CACNA2D1: variants seen among roughly 807,000 people sequenced by gnomAD.
CACNA2D1 encodes the protein calcium voltage-gated channel auxiliary subunit alpha2delta 1.
Under a neutral mutation model 171.5 loss-of-function variants are expected in CACNA2D1, and 53 were observed. That is an observed-to-expected ratio of 0.31 (90% CI 0.25 to 0.39). CACNA2D1 has a LOEUF of 0.39. Ranked by LOEUF, CACNA2D1 falls within the 10% of genes least tolerant of loss-of-function variation. The pLI is 1.00. For synonymous variants in CACNA2D1, 442 were observed against 443.1 expected (o/e 1.00, Z 0.03); for missense variants, 903 against 1,299.8 (o/e 0.69, Z 4.69).
At chr7:82,318,223 T>C (rs1301669161) in intron 3 of CACNA2D1, among the ~76,000 whole-genome samples, 4 of 152,258 alleles carry the variant, frequency 2.6e-5, no homozygotes, top group Admixed American at 2.0e-4. Context: ...GCTAGTCTCA[T>C]TGCTAATTAA....
intron 15 of CACNA2D1, among the ~76,000 whole-genome samples, chr7:82,008,180 C>T (rs1000240113): frequency 6.6e-6 from 1 of 151,918 alleles, no homozygotes. Context: ...TAGCCTTATT[C>T]TTTATTTTTT....
At chr7:82,385,667 T>TGTTTC (rs376274381) in intron 1 of CACNA2D1, among the ~76,000 whole-genome samples, 2 of 151,816 alleles carry the variant, frequency 1.3e-5, no homozygotes, top group African/African-American at 2.4e-5. Flanking sequence ...TTTGTTTTGT[T>TGTTTC]TTGTTTTGTT....
intron 3 of CACNA2D1, among the ~76,000 whole-genome samples, chr7:82,328,573 T>G (rs1298499150): frequency 6.6e-6 from 1 of 152,198 alleles, no homozygotes; most frequent in Non-Finnish European, 1.5e-5. Flanking sequence ...GAAAATTGCA[T>G]GACCTCGATC....
At chr7:81,957,029 G>T (rs1472728400) in intron 38 of CACNA2D1, among the ~76,000 whole-genome samples, 2 of 151,980 alleles carry the variant, frequency 1.3e-5, no homozygotes, top group East Asian at 3.9e-4. Context: ...TATTTTGAGA[G>T]TAAAAAATCT....
chr7:82,069,790 C>T (rs1225248081), intron 7 of CACNA2D1, among the ~76,000 whole-genome samples: 1 of 151,332 alleles, frequency 6.6e-6, no homozygotes, highest in Non-Finnish European at 1.5e-5. Flanking sequence ...TCGGTAGAAA[C>T]ATCAAATGAC....
At position 82,053,703 on chromosome 7, in the gene CACNA2D1, A is replaced by G. The variant is rs142186403; in HGVS notation, c.879+6725T>C. ...CTTTCAAATGTCTTCCTGATTATTT[A>G]TCTTTTAAGTTCCATTAATTGTGCG... On this transcript the variant is annotated intron_variant, in intron 10 of 38. Coordinates refer to ENST00000356860, the MANE Select transcript of CACNA2D1 (RefSeq NM_000722.4). Among the ~76,000 whole-genome samples the G allele has an allele frequency of 7.9e-5, 12 of 152,256 alleles. No individual in the cohort carries two copies. In the East Asian group the frequency reaches 2.3e-3, roughly 29 times the overall value.
At chr7:82,147,040 AATAAC>A (rs1221000756) in intron 4 of CACNA2D1, among the ~76,000 whole-genome samples, 2 of 150,918 alleles carry the variant, frequency 1.3e-5, no homozygotes, top group Admixed American at 1.3e-4. Flanking sequence ...ATTCTAATAA[AATAAC>A]AAGTACACAC....
Position 81,950,522 on chromosome 7 carries a change from A to C in CACNA2D1, c.3160-14T>G, listed in dbSNP as rs368722645. ...AGTATAATCCTCCTGTTGTTAAAAA[A>C]AAAAGAAAAGAACAGAAAAAGAAAA... is the stretch of plus-strand genomic sequence containing the variant. On this transcript the variant is annotated splice_polypyrimidine_tract_variant and intron_variant, in intron 38 of 38. Transcript: ENST00000356860. 45 of 1,603,846 alleles carry C rather than the reference A, an allele frequency of 2.8e-5. No individual in the cohort carries two copies. Among genetic ancestry groups the C allele is most frequent in the Non-Finnish European group, 3.7e-5 (43 of 1,175,540 alleles).
At chr7:82,123,231 TC>T (rs574017831) in intron 5 of CACNA2D1, among the ~76,000 whole-genome samples, 3 of 152,178 alleles carry the variant, frequency 2.0e-5, no homozygotes, top group Admixed American at 1.3e-4. Flanking sequence ...TTATAGTTTC[TC>T]CCCCCAGTGA....
chr7:82,211,839 G>A (rs111534330), intron 3 of CACNA2D1, among the ~76,000 whole-genome samples: 158 of 152,202 alleles, frequency 1.0e-3, no homozygotes, highest in Non-Finnish European at 1.9e-3. Flanking sequence ...GTACATAAAC[G>A]TTCCCTTTCT....
intron 2 of CACNA2D1, 56 bp from the exon 3 acceptor site, chr7:82,335,307 AG>A (rs1245971752): frequency 4.1e-5 from 40 of 983,646 alleles, no homozygotes; most frequent in Non-Finnish European, 6.4e-5. Flanking sequence ...TTGGCTTACA[AG>A]TTCCCATTGG....
At chr7:82,014,565 AAG>A in intron 12 of CACNA2D1, 86 bp from the exon 13 acceptor site, 1 of 771,588 alleles carries the variant, frequency 1.3e-6, no homozygotes. Flanking sequence ...TTCTATTGAA[AAG>A]AGTGCTTTCC....
intron 3 of CACNA2D1, among the ~76,000 whole-genome samples, chr7:82,183,427 A>G (rs1797349480): frequency 6.6e-6 from 1 of 152,198 alleles, no homozygotes; most frequent in Admixed American, 6.5e-5. Flanking sequence ...CACTTCAGTT[A>G]TTCTGAATAT....
intron 3 of CACNA2D1, among the ~76,000 whole-genome samples, chr7:82,235,038 G>A (rs1455491539): frequency 6.6e-6 from 1 of 152,140 alleles, no homozygotes; most frequent in Non-Finnish European, 1.5e-5. Flanking sequence ...ATGACCTGAG[G>A]TGAAATTTGA....
intron 3 of CACNA2D1, among the ~76,000 whole-genome samples, chr7:82,220,634 C>A (rs1198487858): frequency 3.3e-5 from 5 of 151,940 alleles, no homozygotes; most frequent in African/African-American, 4.8e-5. Flanking sequence ...GGAAAAATAA[C>A]TGGAGTTTTA....
Position 82,260,689 on chromosome 7 carries a change from A to G in CACNA2D1, c.294+74446T>C, listed in dbSNP as rs552492108. ...GAAGAAATGGCCTTAGAAAGGTTAC[A>G]TAACTTGCCCAAGGTTGCTCAGTTT... On this transcript the variant is annotated intron_variant, in intron 3 of 38. Transcript: ENST00000356860. Among the ~76,000 whole-genome samples the G allele has an allele frequency of 1.2e-4, 19 of 152,334 alleles. No individual in the cohort carries two copies. In the East Asian group the frequency reaches 3.1e-3, roughly 25 times the overall value.
At chr7:82,224,778 C>T (rs1185568483) in intron 3 of CACNA2D1, among the ~76,000 whole-genome samples, 1 of 152,060 alleles carries the variant, frequency 6.6e-6, no homozygotes, top group African/African-American at 2.4e-5. Flanking sequence ...GGGTCTTCCC[C>T]TCAGCAAAGC....
intron 11 of CACNA2D1, among the ~76,000 whole-genome samples, chr7:82,034,859 G>T (rs138570868): frequency 2.0e-5 from 3 of 151,948 alleles, no homozygotes; most frequent in Admixed American, 1.3e-4. Context: ...AACATTTCCC[G>T]AGAGAGAGAT....
At chr7:82,258,181 C>T (rs905708246) in intron 3 of CACNA2D1, among the ~76,000 whole-genome samples, 22 of 152,112 alleles carry the variant, frequency 1.4e-4, no homozygotes, top group African/African-American at 5.3e-4. Flanking sequence ...ACTCTTACGC[C>T]TAAAGTAAAT....
Sources: allele counts gnomAD v4.1 joint callset (sites outside exome capture counted in the v4.1 genomes callset), GRCh38; gene constraint gnomAD v4.1.1; transcripts MANE v1.5; gene names NCBI Gene and HGNC (gene_info 2026-07-23, HGNC 2026-07-21).